Variants in PTPRD observed in about 807,000 individuals in gnomAD.
The protein encoded by PTPRD is receptor-type tyrosine-protein phosphatase delta.
PTPRD carries 34 observed loss-of-function variants against 214.5 expected under a neutral mutation model. The observed-to-expected ratio is 0.16, with a 90% CI of 0.12 to 0.21. The LOEUF (loss-of-function observed/expected upper bound fraction) is 0.21, where lower values mean the gene tolerates loss of function less well. Ranked by LOEUF, PTPRD falls within the 10% of genes least tolerant of loss-of-function variation. PTPRD has a pLI of 1.00. For synonymous variants in PTPRD, 1,128 were observed against 845.7 expected, an observed-to-expected ratio of 1.33 and a Z score of -5.79; for missense variants, 2,545 against 2,398.7, an observed-to-expected ratio of 1.06 and a Z score of -1.27.
chr9:8,933,869 G>A (rs1014710065), intron 11 of PTPRD, among the ~76,000 whole-genome samples: 30 of 152,202 alleles, frequency 2.0e-4, no homozygotes, highest in Middle Eastern at 3.4e-3. Flanking sequence ...AAGTTTAACA[G>A]ACTTTAATAA....
chr9:8,635,375 C>A (rs1254871465), intron 13 of PTPRD, among the ~76,000 whole-genome samples: 1 of 151,672 alleles, frequency 6.6e-6, no homozygotes, highest in East Asian at 1.9e-4. Flanking sequence ...AAGATGCATA[C>A]ATACATCATT....
At chr9:10,362,713 C>G (rs1446634676) in intron 2 of PTPRD, among the ~76,000 whole-genome samples, 1 of 152,010 alleles carries the variant, frequency 6.6e-6, no homozygotes, top group Non-Finnish European at 1.5e-5. Context: ...AACCCCGTCT[C>G]TATTAAAAAT....
chr9:9,214,757 G>A (rs538930120), intron 9 of PTPRD, among the ~76,000 whole-genome samples: 21 of 152,074 alleles, frequency 1.4e-4, no homozygotes, highest in African/African-American at 3.1e-4. Flanking sequence ...ATATTCATAC[G>A]TACATTTACA....
chr9:10,362,601 G>A lies in PTPRD; in HGVS notation c.-599-21584C>T, dbSNP rs181976227. The stretch of plus-strand genomic sequence containing the variant: ...CAGCTGGAGTAAAATAACTTTGTCA[G>A]CCCGGCGTGGTGGCTCACGCCTGGA... On this transcript the variant is annotated intron_variant, in intron 2 of 45. Transcript: ENST00000381196. 5.7e-3 allele frequency among the ~76,000 whole-genome samples: 872 copies of A among 152,156 alleles called. 7 individuals are homozygous for A. Among genetic ancestry groups the A allele is most frequent in the African/African-American group, 0.02 (834 of 41,518 alleles).
chr9:10,337,544 A>AACAATATT (rs1347493502), intron 3 of PTPRD, among the ~76,000 whole-genome samples: 1 of 151,738 alleles, frequency 6.6e-6, no homozygotes, highest in Non-Finnish European at 1.5e-5. Flanking sequence ...TTTAATACAA[A>AACAATATT]ACAATATTTT....
chr9:8,910,663 T>C lies in PTPRD; in HGVS notation c.-104+108034A>G, dbSNP rs567790087. Among the ~76,000 whole-genome samples the C allele has an allele frequency of 4.5e-4, 69 of 152,308 alleles. 1 individual carries two copies. The highest frequency in any genetic ancestry group is 1.5e-3 in the African/African-American group (61 of 41,570). The stretch of plus-strand genomic sequence containing the variant: ...CCTCCAGAACTGTAAGAAATAAATT[T>C]CATTTCTTATCAATTACTCAGTTTC... On this transcript the variant is annotated intron_variant, in intron 11 of 45. Transcript: ENST00000381196.
intron 9 of PTPRD, among the ~76,000 whole-genome samples, chr9:9,330,465 C>T (rs917255043): frequency 6.6e-6 from 1 of 152,006 alleles, no homozygotes; most frequent in East Asian, 1.9e-4. Flanking sequence ...ATTATGACTT[C>T]CCATCGAGCA....
intron 3 of PTPRD, among the ~76,000 whole-genome samples, chr9:10,208,376 T>A (rs570856093): frequency 6.6e-6 from 1 of 151,868 alleles, no homozygotes; most frequent in Admixed American, 6.6e-5. Flanking sequence ...TAGCCGGGCG[T>A]GGTGGCGGGC....
intron 11 of PTPRD, among the ~76,000 whole-genome samples, chr9:8,804,927 G>A (rs1383604064): frequency 6.6e-6 from 1 of 152,114 alleles, no homozygotes; most frequent in East Asian, 1.9e-4. Context: ...TTCTAAATTT[G>A]AAAGAGAATC....
At chr9:8,447,131 G>A (rs995824526) in intron 34 of PTPRD, among the ~76,000 whole-genome samples, 3 of 152,240 alleles carry the variant, frequency 2.0e-5, no homozygotes, top group Non-Finnish European at 4.4e-5. Flanking sequence ...AGGGCATAAT[G>A]TACTGCTTCC....
intron 9 of PTPRD, among the ~76,000 whole-genome samples, chr9:9,365,723 T>G (rs892697794): frequency 2.5e-4 from 38 of 151,504 alleles, no homozygotes; most frequent in African/African-American, 8.5e-4. Context: ...AGGTTTTGCC[T>G]CCTTCCTTGT....
At chr9:9,217,825 C>T (rs543174882) in intron 9 of PTPRD, among the ~76,000 whole-genome samples, 1 of 152,208 alleles carries the variant, frequency 6.6e-6, no homozygotes, top group East Asian at 1.9e-4. Flanking sequence ...ATTATCTTGT[C>T]CATATGTTTT....
At chr9:9,424,181 G>T (rs1159632142) in intron 8 of PTPRD, among the ~76,000 whole-genome samples, 2 of 152,172 alleles carry the variant, frequency 1.3e-5, no homozygotes, top group Non-Finnish European at 2.9e-5. Flanking sequence ...TGGAATGGCT[G>T]AAAAATTTGT....
chr9:9,423,383 C>G (rs1302063191), intron 8 of PTPRD, among the ~76,000 whole-genome samples: 1 of 152,148 alleles, frequency 6.6e-6, no homozygotes, highest in Non-Finnish European at 1.5e-5. Flanking sequence ...AAGAAGGGAC[C>G]TGTCACCAGG....
intron 44 of PTPRD, among the ~76,000 whole-genome samples, chr9:8,322,652 G>C (rs947737649): frequency 6.6e-6 from 1 of 152,174 alleles, no homozygotes; most frequent in African/African-American, 2.4e-5. Context: ...AAAAGTGCAA[G>C]GTGAAGCAAT....
intron 12 of PTPRD, among the ~76,000 whole-genome samples, chr9:8,722,238 A>T (rs559799191): frequency 6.6e-6 from 1 of 152,114 alleles, no homozygotes; most frequent in Admixed American, 6.5e-5. Flanking sequence ...TAAACTTCAC[A>T]GGAGCCTGTG....
chr9:9,392,634 G>C (rs2066272766), intron 9 of PTPRD, among the ~76,000 whole-genome samples: 1 of 152,074 alleles, frequency 6.6e-6, no homozygotes, highest in African/African-American at 2.4e-5. Flanking sequence ...GCTATAAAGA[G>C]ATCCTTTCAA....
rs942079933 is a variant in PTPRD, at chr9:10,518,644, T to C, written c.-600+93754A>G. The stretch of plus-strand genomic sequence containing the variant: ...GCCTCCCAGGTTCACGCCATTCTGC[T>C]GCCTCAGCCTCCCAAGTAGCTGGGA... On this transcript the variant is annotated intron_variant, in intron 2 of 45. Transcript: ENST00000381196. Among the ~76,000 whole-genome samples, 6 of 152,018 alleles carry C rather than the reference T, an allele frequency of 3.9e-5. No individual in the cohort carries two copies. The East Asian group carries it at 1.2e-3, about 30-fold the overall frequency.
chr9:10,228,160 A>G (rs2099595496), intron 3 of PTPRD, among the ~76,000 whole-genome samples: 1 of 147,320 alleles, frequency 6.8e-6, no homozygotes, highest in Non-Finnish European at 1.5e-5. Flanking sequence ...CATTTCCAAT[A>G]AAATCTTGGA....
Sources: gnomAD v4.1 joint callset for allele counts (sites outside exome capture counted in the v4.1 genomes callset) on GRCh38, gnomAD v4.1.1 for gene constraint, MANE v1.5 for transcripts, NCBI Gene and HGNC (gene_info 2026-07-23, HGNC 2026-07-21) for gene names.